Variants in TXLNB observed in about 807,000 individuals in gnomAD.
TXLNB encodes taxilin beta, also known as beta-taxilin.
A neutral mutation model predicts 57.4 loss-of-function variants in TXLNB; 37 were observed. The ratio of observed to expected loss-of-function variants is 0.64; its 90% CI spans 0.50 to 0.85. The LOEUF (loss-of-function observed/expected upper bound fraction) is 0.85. Among genes scored for constraint, TXLNB ranks in the 40% least tolerant of loss-of-function variants. The pLI, the probability that TXLNB is intolerant of heterozygous loss-of-function variation, is 0.00. For missense variants in TXLNB, 848 were observed against 825.6 expected (o/e 1.03, Z -0.33); for synonymous variants, 302 against 309.6 (o/e 0.98, Z 0.26).
downstream of TXLNB, among the ~76,000 whole-genome samples, chr6:139,236,162 G>T (rs928008236): frequency 6.6e-6 from 1 of 152,160 alleles, no homozygotes; most frequent in Non-Finnish European, 1.5e-5. Flanking sequence ...ACTAAGGTAA[G>T]AACCCAGGAG....
At chr6:139,200,884 G>A in the TXLNB span, among the ~76,000 whole-genome samples, 9 of 152,196 alleles carry the variant, frequency 5.9e-5, no homozygotes, top group African/African-American at 2.2e-4. Flanking sequence ...CATAGCCTGG[G>A]CAGCTGCTGG....
chr6:139,251,544 A>G (rs1562274183), intron 7 of TXLNB: 2 of 152,214 alleles, frequency 1.3e-5, no homozygotes, highest in Admixed American at 6.5e-5. Context: ...GTTTGGTTTC[A>G]TGTGTCATAT....
the TXLNB span, among the ~76,000 whole-genome samples, chr6:139,168,238 C>T: frequency 3.3e-5 from 5 of 152,102 alleles, no homozygotes; most frequent in African/African-American, 9.7e-5. Flanking sequence ...GACTGTGCAT[C>T]CCCCTCCTCC....
At chr6:139,236,975 C>G (rs58877813), downstream of TXLNB, among the ~76,000 whole-genome samples, 1 of 151,924 alleles carries the variant, frequency 6.6e-6, no homozygotes, top group Non-Finnish European at 1.5e-5. Flanking sequence ...AAACCCTGTG[C>G]GTAAAAATTC....
the TXLNB span, among the ~76,000 whole-genome samples, chr6:139,202,907 T>C: frequency 2.1e-4 from 32 of 152,322 alleles, no homozygotes; most frequent in Admixed American, 1.8e-3. Context: ...TCTACTTCTA[T>C]GAGCAGAACT....
intron 2 of TXLNB, among the ~76,000 whole-genome samples, chr6:139,285,734 G>A (rs1012524808): frequency 1.4e-5 from 2 of 145,172 alleles, no homozygotes; most frequent in Non-Finnish European, 3.1e-5. Flanking sequence ...TGATGCCATC[G>A]TAAAGCAAAC....
chr6:139,304,284 C>A, the TXLNB span, among the ~76,000 whole-genome samples: 597 of 152,266 alleles, frequency 3.9e-3, 7 homozygotes, highest in African/African-American at 0.013. Flanking sequence ...AAGGCATTTT[C>A]TGACACAAGG....
chr6:139,307,412 C>T, the TXLNB span, among the ~76,000 whole-genome samples: 1 of 152,186 alleles, frequency 6.6e-6, no homozygotes, highest in African/African-American at 2.4e-5. Flanking sequence ...TGGTCTCCAA[C>T]TCCTGGCCTC....
At chr6:139,229,966 G>A in the TXLNB span, among the ~76,000 whole-genome samples, 509 of 151,994 alleles carry the variant, frequency 3.3e-3, 2 homozygotes, top group Middle Eastern at 0.014. Context: ...TTAATGCTTC[G>A]TTGTATTTAC....
the TXLNB span, among the ~76,000 whole-genome samples, chr6:139,162,134 T>C: frequency 6.6e-6 from 1 of 152,082 alleles, no homozygotes; most frequent in East Asian, 1.9e-4. Context: ...AGAGGCTTCC[T>C]CTCCTGAGTC....
At chr6:139,195,791 C>T in the TXLNB span, among the ~76,000 whole-genome samples, 1 of 152,112 alleles carries the variant, frequency 6.6e-6, no homozygotes, top group African/African-American at 2.4e-5. Flanking sequence ...ACTTTGTATG[C>T]TAACTTGAGT....
rs1261262775 is a variant in TXLNB at position 139,282,968 on chromosome 6, G to A, written c.424+5508C>T. On this transcript the variant is annotated intron_variant, in intron 2 of 9. Transcript: ENST00000358430. Reference sequence around the variant, plus strand: ...TTGTTTTTCTCCCAGCCCACATAATGTTGTCAAAGAAGTGATAAATGAGAG... The same window carrying A: ...TTGTTTTTCTCCCAGCCCACATAATATTGTCAAAGAAGTGATAAATGAGAG... 1.3e-4 allele frequency: 19 copies of A among 145,390 alleles called. 2 individuals carry two copies. Among genetic ancestry groups the A allele is most frequent in the Admixed American group, 1.3e-3 (19 of 14,808 alleles). The allele number at this position is 145,390 out of a possible 1,614,324, so 9.0% of individuals were successfully genotyped here.
rs529889914 is a variant in TXLNB, at chr6:139,276,789, C to T, written c.516+41G>A. 2.7e-6 allele frequency: 4 copies of T among 1,496,646 alleles called. No individual in the cohort carries two copies. In the African/African-American group the frequency reaches 5.5e-5, roughly 21 times the overall value. The allele number at this position is 1,496,646 out of a possible 1,614,324, so 92.7% of individuals were successfully genotyped here. On this transcript the variant is annotated intron_variant, in intron 3 of 9. Transcript: ENST00000358430. ...TCCTTGAAGCTAGAGGCACTGGGCT[C>T]ACTAATCGTTCTGAGAAAAGAAGCT...
At chr6:139,194,883 A>G in the TXLNB span, among the ~76,000 whole-genome samples, 2 of 152,224 alleles carry the variant, frequency 1.3e-5, no homozygotes, top group Admixed American at 6.5e-5. Context: ...TCTCCCTGCT[A>G]TTCTTCTAAA....
the TXLNB span, among the ~76,000 whole-genome samples, chr6:139,224,907 A>C: frequency 2.6e-5 from 4 of 152,176 alleles, no homozygotes; most frequent in South Asian, 4.1e-4. Flanking sequence ...ATTACAAAGA[A>C]TCTCTCCCAT....
chr6:139,178,208 A>G, the TXLNB span: 1 of 152,222 alleles, frequency 6.6e-6, no homozygotes, highest in Non-Finnish European at 1.5e-5. Context: ...AGACCATTCT[A>G]AAAAGCCCAT....
the TXLNB span, among the ~76,000 whole-genome samples, chr6:139,193,840 A>ATT: frequency 2.8e-3 from 240 of 85,214 alleles, 2 homozygotes; most frequent in East Asian, 7.8e-3. Flanking sequence ...ATATATATAT[A>ATT]TTTTTTTTTT....
chr6:139,292,108 A>ACACG (rs1777316716), upstream of TXLNB: 1 of 153,426 alleles, frequency 6.5e-6, no homozygotes, highest in Admixed American at 6.6e-5. This position sits in a 1 kb window ranked among gnomAD's most constrained non-coding sequence, Gnocchi z 4.0. Flanking sequence ...ACACACACAC[A>ACACG]CGCCACAGGC....
At chr6:139,200,475 A>G in the TXLNB span, among the ~76,000 whole-genome samples, 3 of 152,210 alleles carry the variant, frequency 2.0e-5, no homozygotes, top group East Asian at 1.9e-4. Flanking sequence ...CACACCATGG[A>G]AGGATATTGA....
Sources: gnomAD v4.1 joint callset for allele counts (sites outside exome capture counted in the v4.1 genomes callset) on GRCh38, gnomAD v4.1.1 for gene constraint, Gnocchi (gnomAD v3.1) non-coding constraint, MANE v1.5 for transcripts, NCBI Gene and HGNC (gene_info 2026-07-23, HGNC 2026-07-21) for gene names.